The following OPCML variants were observed in gnomAD, a reference collection of about 807,000 sequenced individuals.
The protein encoded by OPCML is opioid binding protein/cell adhesion molecule like, also known as opioid-binding protein/cell adhesion molecule.
OPCML carries 13 observed loss-of-function variants against 37.8 expected under a neutral mutation model. The ratio of observed to expected loss-of-function variants is 0.34; its 90% CI spans 0.22 to 0.55. The LOEUF (loss-of-function observed/expected upper bound fraction) is 0.55. OPCML is among the 20% of genes least tolerant of loss of function. OPCML has a pLI of 0.91. For synonymous variants in OPCML, 176 were observed against 168.8 expected, an observed-to-expected ratio of 1.04 and a Z score of -0.33; for missense variants, 341 against 435.6, an observed-to-expected ratio of 0.78 and a Z score of 1.93.
At chr11:132,973,060 T>G (rs190846522) in intron 1 of OPCML, among the ~76,000 whole-genome samples, 1 of 152,196 alleles carries the variant, frequency 6.6e-6, no homozygotes, top group Non-Finnish European at 1.5e-5. Context: ...TATGACAGTT[T>G]TGTGTTGTTT....
chr11:133,190,748 C>A (rs1478152724), intron 1 of OPCML, among the ~76,000 whole-genome samples: 2 of 152,100 alleles, frequency 1.3e-5, no homozygotes, highest in African/African-American at 4.8e-5. Flanking sequence ...TGGTCTTTTG[C>A]GACTAGCTTC....
intron 1 of OPCML, among the ~76,000 whole-genome samples, chr11:133,516,450 G>A (rs949256640): frequency 5.3e-5 from 8 of 152,186 alleles, no homozygotes; most frequent in Non-Finnish European, 1.0e-4. Flanking sequence ...CGGGGCTGGG[G>A]CTGGACTCCA....
At chr11:133,275,705 C>A (rs1941973303) in intron 1 of OPCML, among the ~76,000 whole-genome samples, 1 of 152,182 alleles carries the variant, frequency 6.6e-6, no homozygotes, top group Admixed American at 6.5e-5. Context: ...ACAGAAGCTG[C>A]AGATCTATTT....
intron 1 of OPCML, among the ~76,000 whole-genome samples, chr11:133,467,051 G>A (rs1565650646): frequency 6.6e-6 from 1 of 152,254 alleles, no homozygotes; most frequent in East Asian, 1.9e-4. Flanking sequence ...TTTTGCATCT[G>A]TTATGCAGTT....
intron 1 of OPCML, among the ~76,000 whole-genome samples, chr11:133,272,056 C>T (rs989798832): frequency 6.6e-6 from 1 of 152,108 alleles, no homozygotes; most frequent in African/African-American, 2.4e-5. Context: ...TCTCTGAGCA[C>T]AGGGACAATT....
chr11:133,264,468 A>G (rs1382656691), intron 1 of OPCML, among the ~76,000 whole-genome samples: 2 of 152,066 alleles, frequency 1.3e-5, no homozygotes, highest in African/African-American at 4.8e-5. Flanking sequence ...ACCCCCAACC[A>G]TTTCCTTGCA....
intron 3 of OPCML, among the ~76,000 whole-genome samples, chr11:132,592,506 G>A (rs1379116067): frequency 1.3e-5 from 2 of 152,232 alleles, no homozygotes; most frequent in Non-Finnish European, 2.9e-5. Flanking sequence ...CCAGGCCCAG[G>A]CTTTGCCAAG....
chr11:133,324,791 T>C (rs1329744944), intron 1 of OPCML, among the ~76,000 whole-genome samples: 1 of 152,238 alleles, frequency 6.6e-6, no homozygotes, highest in African/African-American at 2.4e-5. Context: ...GAGAATCTAA[T>C]TTTAGTGTAG....
chr11:132,570,372 A>T (rs779481668), intron 3 of OPCML, among the ~76,000 whole-genome samples: 4 of 152,086 alleles, frequency 2.6e-5, no homozygotes, highest in Non-Finnish European at 5.9e-5. Flanking sequence ...ATATTCAAAG[A>T]GATGCTAGGA....
chr11:133,524,649 C>T lies in OPCML; in HGVS notation c.61+7615G>A, dbSNP rs117954608. ...TCTCAGGCGTGTCTGTCGCAGTGTG[C>T]GATGTGAGATCCAAAAGTGTGCTGC... On this transcript the variant is annotated intron_variant, in intron 1 of 7. Coordinates refer to ENST00000524381, the MANE Select transcript of OPCML (RefSeq NM_001012393.5). Among the ~76,000 whole-genome samples the T allele has an allele frequency of 1.9e-4, 29 of 152,318 alleles. No individual in the cohort carries two copies. The East Asian group carries it at 3.9e-3, about 20-fold the overall frequency.
intron 2 of OPCML, among the ~76,000 whole-genome samples, chr11:132,802,293 A>G (rs79787585): frequency 0.075 from 11,464 of 152,082 alleles, 758 homozygotes; most frequent in African/African-American, 0.18. Flanking sequence ...GATCATGCCA[A>G]CCCTTCCCCA....
intron 1 of OPCML, among the ~76,000 whole-genome samples, chr11:133,499,876 T>TATATATATA (rs1389927636): frequency 1.5e-5 from 1 of 65,374 alleles, no homozygotes; most frequent in African/African-American, 6.8e-5. Flanking sequence ...ATATATATAT[T>TATATATATA]TTTTTTTTTT....
At chr11:132,749,064 A>T (rs1945744663) in intron 2 of OPCML, among the ~76,000 whole-genome samples, 1 of 152,160 alleles carries the variant, frequency 6.6e-6, no homozygotes, top group African/African-American at 2.4e-5. Context: ...AGAAGTGATC[A>T]GGCTATGAGG....
intron 2 of OPCML, among the ~76,000 whole-genome samples, chr11:132,784,653 T>C (rs1649074504): frequency 6.6e-6 from 1 of 152,066 alleles, no homozygotes; most frequent in Non-Finnish European, 1.5e-5. Flanking sequence ...GTGCGAGGTG[T>C]CTGGGTCATG....
At chr11:133,244,571 G>A (rs1439487455) in intron 1 of OPCML, among the ~76,000 whole-genome samples, 2 of 152,134 alleles carry the variant, frequency 1.3e-5, no homozygotes, top group East Asian at 3.9e-4. Flanking sequence ...TCCAGCACTG[G>A]AGGAGGGGCC....
At chr11:132,916,151 G>C (rs1400540497) in intron 2 of OPCML, among the ~76,000 whole-genome samples, 4 of 152,102 alleles carry the variant, frequency 2.6e-5, no homozygotes, top group Non-Finnish European at 5.9e-5. Context: ...GTAGTATAAA[G>C]TGTAGTTTTA....
intron 1 of OPCML, among the ~76,000 whole-genome samples, chr11:133,291,337 G>A (rs569120239): frequency 1.3e-4 from 20 of 152,178 alleles, no homozygotes; most frequent in Non-Finnish European, 2.5e-4. Context: ...TGCAGGAAGA[G>A]CTGTTGGCAT....
rs570713128 is a variant in OPCML at position 133,460,421 on chromosome 11, G to A, written c.61+71843C>T. Among the ~76,000 whole-genome samples the A allele has an allele frequency of 2.6e-5, 4 of 151,878 alleles. No homozygotes were observed. The East Asian group carries it at 7.7e-4, about 29-fold the overall frequency. On this transcript the variant is annotated intron_variant, in intron 1 of 7. Transcript: ENST00000524381. ...ATAGAGAAAATCAGTAAAATAAAGA[G>A]TTGGTTTTTAAAAAACATTAGCAAC...
intron 1 of OPCML, among the ~76,000 whole-genome samples, chr11:133,425,689 C>T (rs141012223): frequency 6.6e-6 from 1 of 152,292 alleles, no homozygotes; most frequent in Non-Finnish European, 1.5e-5. Context: ...TAGGGGTCTA[C>T]AGCACCTCAA....
Sources: allele counts gnomAD v4.1 joint callset (sites outside exome capture counted in the v4.1 genomes callset), GRCh38; gene constraint gnomAD v4.1.1; transcripts MANE v1.5; gene names NCBI Gene and HGNC (gene_info 2026-07-23, HGNC 2026-07-21).